The following COL2A1 variants were observed in gnomAD, a reference collection of about 807,000 sequenced individuals.
The protein encoded by COL2A1 is collagen type II alpha 1 chain.
COL2A1 carries 28 observed loss-of-function variants against 204.5 expected under a neutral mutation model. That is an observed-to-expected ratio of 0.14 (90% CI 0.10 to 0.19). The LOEUF is 0.19. Among genes scored for constraint, COL2A1 ranks in the 10% least tolerant of loss-of-function variants. The pLI is 1.00. For missense variants in COL2A1, 1,388 were observed against 2,027.5 expected (o/e 0.68, Z 6.06); for synonymous variants, 708 against 718.7 (o/e 0.99, Z 0.24).
chr12:47,982,461 A>G (rs1022634046), intron 34 of COL2A1, 41 bp downstream of exon 34: 1 of 1,532,906 alleles, frequency 6.5e-7, no homozygotes, highest in African/African-American at 1.4e-5. Context: ...GAATGTGGCA[A>G]AGCCACAGCT....
At chr12:47,995,599 C>T in intron 10 of COL2A1, 111 bp downstream of exon 10, 2 of 1,153,792 alleles carry the variant, frequency 1.7e-6, no homozygotes, top group Non-Finnish European at 2.6e-6. Context: ...CTTGGGGCCA[C>T]CGACTGTGGG....
At chr12:47,994,954 C>T (rs902711551) in intron 11 of COL2A1, among the ~76,000 whole-genome samples, 2 of 152,184 alleles carry the variant, frequency 1.3e-5, no homozygotes, top group Non-Finnish European at 2.9e-5. Flanking sequence ...TTTTCCTTCT[C>T]TACATCTTTC....
At chr12:47,981,905 C>A in intron 35 of COL2A1, 76 bp from the exon 36 acceptor site, 1 of 1,469,204 alleles carries the variant, frequency 6.8e-7, no homozygotes, top group African/African-American at 1.4e-5. Flanking sequence ...CCAAGCCAAC[C>A]TTGGTGCGTG....
intron 26 of COL2A1, among the ~76,000 whole-genome samples, 156 bp from the exon 27 acceptor site, chr12:47,985,249 A>C (rs1342373222): frequency 6.6e-6 from 1 of 152,180 alleles, no homozygotes; most frequent in Non-Finnish European, 1.5e-5. Context: ...GGGCCCATCT[A>C]CAACAAGACA....
intron 1 of COL2A1, 24 bp downstream of exon 1, chr12:48,004,213 A>G (rs1940366304): frequency 6.7e-7 from 1 of 1,500,286 alleles, no homozygotes; most frequent in Non-Finnish European, 9.1e-7. Flanking sequence ...GCAGGCAGGC[A>G]GGCAGGGGCG....
Position 47,982,155 on chromosome 12 carries a change from G to T in COL2A1, c.2307C>A (p.Asp769Glu). The T allele has an allele frequency of 1.9e-6, 3 of 1,613,670 alleles. No individual in the cohort carries two copies. The highest frequency in any genetic ancestry group is 2.5e-6 in the Non-Finnish European group (3 of 1,179,720). ...CTCCCTCAGGGCCTTTCTCACCAAC[G>T]TCACCCTGAGGGAAGAGAAAACCAG... ...GIAGPKGDRGDVGEKGPEGAP... is the reference protein window; with the variant it reads ...GIAGPKGDRGEVGEKGPEGAP... Residue 769 changes from aspartate (D) to glutamate (E), a missense_variant, in exon 35 of 54, where the codon GAC becomes GAA. Around this residue, in one of 3 missense-constraint regions of COL2A1, gnomAD observed 884 missense variants for 1,415.8 expected, o/e 0.62. Coordinates refer to ENST00000380518, the MANE Select transcript of COL2A1 (RefSeq NM_001844.5).
chr12:47,982,475 G>A (rs762481307), intron 34 of COL2A1, 27 bp downstream of exon 34: 19 of 1,573,614 alleles, frequency 1.2e-5, no homozygotes, highest in East Asian at 1.1e-4. Flanking sequence ...CACAGCTTTG[G>A]TGAGAGGCTG....
intron 8 of COL2A1, 140 bp from the exon 9 acceptor site, chr12:47,996,059 T>C (rs1356148764): frequency 2.9e-6 from 2 of 698,088 alleles, no homozygotes; most frequent in African/African-American, 1.8e-5. Context: ...GGCTGCTCCC[T>C]CTCATTTCCC....
chr12:47,992,911 A>G lies in COL2A1; in HGVS notation c.990T>C (p.Gly330=), dbSNP rs781071379. The G allele has an allele frequency of 6.2e-6, 10 of 1,614,016 alleles. No homozygotes were observed. The highest frequency in any genetic ancestry group is 8.5e-6 in the Non-Finnish European group (10 of 1,180,024). ...CAGCAGGGCCAGTCCGTCCTCTTTC[A>G]CCAGGCAGGCCACGAGGACCCTGGA... ...PGPMGPRGLP[G]ERGRTGPAGA... Residue 330 remains glycine (G), a synonymous_variant, in exon 16 of 54, where the codon GGT becomes GGC. Coordinates refer to ENST00000380518, the MANE Select transcript of COL2A1 (RefSeq NM_001844.5).
intron 33 of COL2A1, 72 bp downstream of exon 33, chr12:47,982,776 G>C (rs1592211682): frequency 7.1e-7 from 1 of 1,404,314 alleles, no homozygotes; most frequent in Admixed American, 1.7e-5. Flanking sequence ...TCCTGAGCCC[G>C]CTCCTCTTCT....
intron 11 of COL2A1, 96 bp from the exon 12 acceptor site, chr12:47,994,573 C>T (rs1939860810): frequency 1.5e-6 from 2 of 1,306,562 alleles, no homozygotes; most frequent in Non-Finnish European, 2.2e-6. Flanking sequence ...CCCTCCATGC[C>T]TTTGCCTACC....
chr12:47,973,455 C>T lies in COL2A1; in HGVS notation c.4416G>A (p.Gly1472=). 4 of 1,614,118 alleles carry T rather than the reference C, an allele frequency of 2.5e-6. No individual in the cohort carries two copies. Among genetic ancestry groups the T allele is most frequent in the Non-Finnish European group, 3.4e-6 (4 of 1,180,028 alleles). The part of the protein sequence containing the change: ...IIDIAPMDIG[G]PEQEFGVDIG... ...TGTCCACACCGAATTCCTGCTCGGG[C>T]CCTCCTATGTCCATGGGTGCAATGT... The change falls in exon 54 of 54, where the codon GGG becomes GGA. Residue 1472 remains glycine, a synonymous_variant. Transcript: ENST00000380518.
chr12:47,995,605 G>C (rs750450801), intron 10 of COL2A1, 105 bp downstream of exon 10: 375 of 1,196,880 alleles, frequency 3.1e-4, no homozygotes, highest in Non-Finnish European at 4.2e-4. Context: ...GCCACCGACT[G>C]TGGGAAAGAG....
At position 47,980,634 on chromosome 12, in the gene COL2A1, C is replaced by A; in HGVS notation, c.2545G>T (p.Gly849Cys). ...TTCTGGCCGGCCTCTCCTTGCTCACCCTTGGCCCCAGGCTGGCCATCAGCA... is the reference window on the plus strand; with the variant it reads ...TTCTGGCCGGCCTCTCCTTGCTCACACTTGGCCCCAGGCTGGCCATCAGCA... Reference protein sequence around the residue: ...PGADGQPGAKGEQGEAGQKGD... With the variant: ...PGADGQPGAKCEQGEAGQKGD... Residue 849 changes from glycine (G) to cysteine (C), a missense_variant, in exon 39 of 54, where the codon GGT (glycine) becomes TGT (cysteine). Coordinates refer to ENST00000380518, the MANE Select transcript of COL2A1 (RefSeq NM_001844.5). The surrounding 1 kb of genome is among the most constrained non-coding windows in gnomAD (Gnocchi z 4.5). The A allele has an allele frequency of 6.2e-7, 1 of 1,612,454 alleles. No individual in the cohort carries two copies. The highest frequency in any genetic ancestry group is 8.5e-7 in the Non-Finnish European group (1 of 1,179,478).
chr12:47,979,574 G>A lies in COL2A1; in HGVS notation c.2680-10C>T. The A allele has an allele frequency of 1.2e-6, 2 of 1,603,038 alleles. No individual in the cohort carries two copies. The highest frequency in any genetic ancestry group is 2.2e-5 in the South Asian group (2 of 90,896). On this transcript the variant is annotated splice_polypyrimidine_tract_variant and intron_variant, in intron 40 of 53. Coordinates refer to ENST00000380518, the MANE Select transcript of COL2A1 (RefSeq NM_001844.5). Reference sequence around the variant, plus strand: ...GGAATCCAGTGGCTCCCTGTGTGGGGAGAGGAGAGCCCCTGAGAACCTCAA... The same window carrying A: ...GGAATCCAGTGGCTCCCTGTGTGGGAAGAGGAGAGCCCCTGAGAACCTCAA...
chr12:47,979,629 C>CGGGGGG, intron 40 of COL2A1, 65 bp from the exon 41 acceptor site: 1 of 744,892 alleles, frequency 1.3e-6, no homozygotes, highest in Admixed American at 2.8e-5. Flanking sequence ...TTAAAATGGG[C>CGGGGGG]GGGGGGCGGG....
At chr12:47,981,718 ATAAG>A in intron 36 of COL2A1, 54 bp downstream of exon 36, 2 of 1,513,176 alleles carry the variant, frequency 1.3e-6, no homozygotes, top group Non-Finnish European at 1.8e-6. Flanking sequence ...TTGGCAGGAG[ATAAG>A]AAGGAGGTGT....
Position 47,976,147 on chromosome 12 carries a change from G to A in COL2A1, c.3490-77C>T. 9.7e-7 allele frequency: 1 copy of A among 1,027,688 alleles called. No homozygotes were observed. The highest frequency in any genetic ancestry group is 1.5e-6 in the Non-Finnish European group (1 of 646,658). The allele number at this position is 1,027,688 out of a possible 1,614,324, so 63.7% of individuals were successfully genotyped here. A position where few individuals can be genotyped will look rare whatever the true frequency, so the allele number is the denominator to read the frequency against. On this transcript the variant is annotated intron_variant, in intron 49 of 53. Coordinates refer to ENST00000380518, the MANE Select transcript of COL2A1 (RefSeq NM_001844.5). The surrounding 1 kb of genome is among the most constrained non-coding windows in gnomAD (Gnocchi z 4.3). ...GGGAGTCGCTGGGGCTGGGTAGGTG[G>A]CTGTCCTGATAGCACCAGCCACTCC...
intron 29 of COL2A1, 39 bp downstream of exon 29, chr12:47,984,048 G>A: frequency 1.9e-6 from 3 of 1,582,020 alleles, no homozygotes; most frequent in Non-Finnish European, 1.7e-6. Flanking sequence ...CCCAGCCCCT[G>A]CCCCCAGGGC....
Sources: allele counts gnomAD v4.1 joint callset (sites outside exome capture counted in the v4.1 genomes callset), GRCh38; gene constraint gnomAD v4.1.1; regional missense constraint gnomAD v4.1.1; non-coding constraint Gnocchi (gnomAD v3.1); transcripts MANE v1.5; gene names NCBI Gene and HGNC (gene_info 2026-07-23, HGNC 2026-07-21).